OR51B5: variants seen among roughly 807,000 people sequenced by gnomAD.
OR51B5 encodes olfactory receptor family 51 subfamily B member 5.
For missense variants in OR51B5, 456 were observed against 374.6 expected, an observed-to-expected ratio of 1.22 and a Z score of -1.79; for synonymous variants, 186 against 144.8, an observed-to-expected ratio of 1.28 and a Z score of -2.04.
At chr11:5,483,417 T>TTAG (rs1474344785) in intron 1 of OR51B5, among the ~76,000 whole-genome samples, 1 of 131,240 alleles carries the variant, frequency 7.6e-6, no homozygotes, top group African/African-American at 3.0e-5. Context: ...AGATGACGAG[T>TTAG]TAGTGGGTGC....
chr11:5,391,116 C>T (rs1009056949), intron 1 of OR51B5: 13 of 152,190 alleles, frequency 8.5e-5, no homozygotes, highest in East Asian at 5.8e-4. Context: ...TGACATGTAA[C>T]GTGAGAAAGC....
At chr11:5,352,230 T>C (rs1372121569) in intron 1 of OR51B5, 1 of 1,614,090 alleles carries the variant, frequency 6.2e-7, no homozygotes, top group Non-Finnish European at 8.5e-7. Flanking sequence ...CATGTGTCTC[T>C]CATATCTGCT....
intron 1 of OR51B5, among the ~76,000 whole-genome samples, chr11:5,471,633 C>A (rs1404976866): frequency 6.1e-5 from 5 of 82,240 alleles, no homozygotes; most frequent in African/African-American, 2.2e-4. Context: ...AAGACTCTGT[C>A]TCAAAAAAAA....
chr11:5,359,973 C>A (rs1849255724), intron 1 of OR51B5, among the ~76,000 whole-genome samples: 4 of 152,162 alleles, frequency 2.6e-5, no homozygotes, highest in Admixed American at 2.6e-4. Flanking sequence ...CCCTTTCTTA[C>A]ACCTTATACA....
At chr11:5,363,293 G>A (rs1849314822) in intron 1 of OR51B5, among the ~76,000 whole-genome samples, 2 of 132,458 alleles carry the variant, frequency 1.5e-5, no homozygotes, top group African/African-American at 2.7e-5. Flanking sequence ...ACACCGGTGA[G>A]TGGACAGACA....
chr11:5,446,111 G>A (rs7101842), intron 1 of OR51B5, among the ~76,000 whole-genome samples: 1 of 152,054 alleles, frequency 6.6e-6, no homozygotes, highest in Non-Finnish European at 1.5e-5. Context: ...GTTGTGGGGT[G>A]GGGGAGAGTG....
At chr11:5,438,355 ACCC>A (rs35674866) in intron 1 of OR51B5, among the ~76,000 whole-genome samples, 1 of 150,658 alleles carries the variant, frequency 6.6e-6, no homozygotes, top group Non-Finnish European at 1.5e-5. Context: ...TCATAGCAAC[ACCC>A]CCCCCCAGTT....
At chr11:5,345,122 G>A (rs117431376), upstream of OR51B5, among the ~76,000 whole-genome samples, 4,890 of 152,226 alleles carry the variant, frequency 0.032, 99 homozygotes, top group Non-Finnish European at 0.049. Context: ...GACCACCACG[G>A]AATTTTTGTT....
chr11:5,430,936 A>G (rs540457630), intron 1 of OR51B5: 1 of 457,048 alleles, frequency 2.2e-6, no homozygotes, highest in African/African-American at 2.0e-5. Context: ...TGTATAAAGA[A>G]TCAAGACATA....
chr11:5,428,152 C>T (rs1314373164), intron 1 of OR51B5, among the ~76,000 whole-genome samples: 4 of 147,454 alleles, frequency 2.7e-5, no homozygotes, highest in Non-Finnish European at 5.9e-5. Context: ...AAGACATGCT[C>T]AACAAGTAAA....
chr11:5,390,220 C>A (rs752694339), intron 1 of OR51B5: 3 of 1,614,038 alleles, frequency 1.9e-6, no homozygotes, highest in Admixed American at 3.3e-5. Context: ...CCCTGGTGCA[C>A]CGTTTTGGGA....
At chr11:5,357,061 G>A (rs572144134) in intron 1 of OR51B5, among the ~76,000 whole-genome samples, 8 of 152,108 alleles carry the variant, frequency 5.3e-5, no homozygotes, top group East Asian at 3.9e-4. Flanking sequence ...GGAAGAAACT[G>A]CATCAACTAA....
At chr11:5,347,401 C>T (rs118094807), upstream of OR51B5, among the ~76,000 whole-genome samples, 488 of 152,280 alleles carry the variant, frequency 3.2e-3, 2 homozygotes, top group African/African-American at 7.8e-3. Context: ...AACGTGAACG[C>T]ACATTCTGCA....
At chr11:5,352,823 TAC>T (rs1199359242) in intron 1 of OR51B5, among the ~76,000 whole-genome samples, 1 of 135,760 alleles carries the variant, frequency 7.4e-6, no homozygotes, top group Non-Finnish European at 1.6e-5. Flanking sequence ...ATATATATAA[TAC>T]ACACTATTAT....
intron 1 of OR51B5, among the ~76,000 whole-genome samples, chr11:5,442,819 C>T (rs1200610348): frequency 2.0e-5 from 3 of 152,110 alleles, no homozygotes; most frequent in African/African-American, 7.2e-5. Context: ...ACCTAGTGAC[C>T]TCTTTGTCTC....
chr11:5,426,894 A>G (rs191421649), intron 1 of OR51B5, among the ~76,000 whole-genome samples: 2 of 152,344 alleles, frequency 1.3e-5, no homozygotes, highest in Admixed American at 6.5e-5. Context: ...AAAAGAGACT[A>G]AAGTCAGTTG....
At chr11:5,428,900 A>T (rs117724462) in intron 1 of OR51B5, among the ~76,000 whole-genome samples, 1 of 152,220 alleles carries the variant, frequency 6.6e-6, no homozygotes, top group African/African-American at 2.4e-5. Flanking sequence ...TTCTGCTAAA[A>T]TGTAGGTATA....
intron 1 of OR51B5, among the ~76,000 whole-genome samples, chr11:5,352,765 TACATATACACACACAG>T (rs1849120006): frequency 1.2e-5 from 1 of 81,836 alleles, no homozygotes; most frequent in African/African-American, 5.1e-5. Flanking sequence ...CTTACACACA[TACATATACACACACAG>T]ATACATACCC....
chr11:5,476,312 T>C (rs966853309), intron 1 of OR51B5, among the ~76,000 whole-genome samples: 2 of 152,218 alleles, frequency 1.3e-5, no homozygotes, highest in African/African-American at 2.4e-5. Context: ...ATGGAGCCAC[T>C]GTGAGTTAAA....
Sources: gnomAD v4.1 joint callset for allele counts (sites outside exome capture counted in the v4.1 genomes callset) on GRCh38, gnomAD v4.1.1 for gene constraint, MANE v1.5 for transcripts, NCBI Gene and HGNC (gene_info 2026-07-23, HGNC 2026-07-21) for gene names.